Variants in CFDP1 observed in about 807,000 individuals in gnomAD.
The protein encoded by CFDP1 is chromatin remodeling protein CFDP1.
Under a neutral mutation model 40.1 loss-of-function variants are expected in CFDP1, and 31 were observed. The ratio of observed to expected loss-of-function variants is 0.77; its 90% CI spans 0.58 to 1.04. The LOEUF (loss-of-function observed/expected upper bound fraction) is 1.04. Ranked by LOEUF, CFDP1 falls within the 50% of genes least tolerant of loss-of-function variation. CFDP1 has a pLI of 0.00. For missense variants in CFDP1, 423 were observed against 343.4 expected, an observed-to-expected ratio of 1.23 and a Z score of -1.83; for synonymous variants, 167 against 120.0, an observed-to-expected ratio of 1.39 and a Z score of -2.56.
chr16:75,355,725 A>G (rs2151528800), intron 5 of CFDP1, among the ~76,000 whole-genome samples: 1 of 152,146 alleles, frequency 6.6e-6, no homozygotes, highest in South Asian at 2.1e-4. Flanking sequence ...GTCTCCTGAG[A>G]TCTGATGGTT....
At position 75,433,204 on chromosome 16, in the gene CFDP1, GGCAGACGCCCGCGGGGGCAGAGC is replaced by G; in HGVS notation, c.64+62_64+84del. ...CCCCCCTGGACCACCTGGGCCACAG[GGCAGACGCCCGCGGGGGCAGAGC>G]GCGCCTCACGTGAGGCGTGGGGCGG... On this transcript the variant is annotated intron_variant, in intron 1 of 6. Transcript: ENST00000283882. The G allele has an allele frequency of 2.2e-6, 3 of 1,358,322 alleles. No homozygotes were observed. The South Asian group carries it at 3.7e-5, about 17-fold the overall frequency. 84.1% of individuals were successfully genotyped at this position (1,358,322 alleles called of 1,614,324 possible).
At chr16:75,332,350 A>G (rs770084564) in intron 5 of CFDP1, among the ~76,000 whole-genome samples, 9 of 152,118 alleles carry the variant, frequency 5.9e-5, no homozygotes, top group Non-Finnish European at 1.0e-4. Flanking sequence ...CTATAATCCC[A>G]GCTACTCAGG....
chr16:75,404,287 G>A (rs1383515785), intron 4 of CFDP1, among the ~76,000 whole-genome samples: 4 of 148,580 alleles, frequency 2.7e-5, no homozygotes, highest in Admixed American at 6.7e-5. Context: ...CCAGGCTGGA[G>A]TGCAGTGGCA....
intron 4 of CFDP1, among the ~76,000 whole-genome samples, chr16:75,398,273 A>T (rs1015999964): frequency 6.6e-6 from 1 of 152,236 alleles, no homozygotes; most frequent in Non-Finnish European, 1.5e-5. Context: ...TACTTATTCA[A>T]GGCTATCCTG....
chr16:75,424,126 T>C (rs1306303009), intron 1 of CFDP1, among the ~76,000 whole-genome samples: 1 of 152,150 alleles, frequency 6.6e-6, no homozygotes, highest in Non-Finnish European at 1.5e-5. Flanking sequence ...AATTCACCTC[T>C]CTGAAAATTA....
chr16:75,427,527 A>C (rs1464783383), intron 1 of CFDP1, among the ~76,000 whole-genome samples: 1 of 152,212 alleles, frequency 6.6e-6, no homozygotes, highest in African/African-American at 2.4e-5. Flanking sequence ...GTGGGAATAC[A>C]GGCATGAGCC....
At chr16:75,424,871 G>A (rs1368646828) in intron 1 of CFDP1, among the ~76,000 whole-genome samples, 2 of 151,994 alleles carry the variant, frequency 1.3e-5, no homozygotes, top group Admixed American at 1.3e-4. Context: ...AATATAAAAG[G>A]TAAACATATT....
At chr16:75,367,375 G>T (rs1423849166) in intron 5 of CFDP1, among the ~76,000 whole-genome samples, 4 of 150,256 alleles carry the variant, frequency 2.7e-5, no homozygotes, top group African/African-American at 9.8e-5. Flanking sequence ...AAACCACTAT[G>T]GCACACATGT....
intron 5 of CFDP1, among the ~76,000 whole-genome samples, chr16:75,319,971 A>G (rs2078350468): frequency 6.6e-6 from 1 of 152,234 alleles, no homozygotes. Flanking sequence ...GTTTTCATAG[A>G]GGCTAACCAC....
At chr16:75,337,478 CCT>C (rs1372030662) in intron 5 of CFDP1, among the ~76,000 whole-genome samples, 3 of 152,218 alleles carry the variant, frequency 2.0e-5, no homozygotes, top group Admixed American at 6.5e-5. Flanking sequence ...CACTCAATCC[CCT>C]GTCACTGACT....
At chr16:75,311,007 A>G (rs2078290084) in intron 5 of CFDP1, among the ~76,000 whole-genome samples, 1 of 152,200 alleles carries the variant, frequency 6.6e-6, no homozygotes, top group Non-Finnish European at 1.5e-5. Flanking sequence ...ACAAAGCTTA[A>G]TTTTCGGCTT....
intron 5 of CFDP1, among the ~76,000 whole-genome samples, chr16:75,370,784 C>A (rs1044519791): frequency 2.6e-5 from 4 of 152,114 alleles, no homozygotes. Context: ...ATCGCTTGAA[C>A]CCAGCAGGCA....
chr16:75,329,954 C>T (rs924899756), intron 5 of CFDP1, among the ~76,000 whole-genome samples: 4 of 152,152 alleles, frequency 2.6e-5, no homozygotes, highest in African/African-American at 9.7e-5. Context: ...TCCTCCTCCT[C>T]CCTCAAACAC....
At chr16:75,396,358 T>C (rs1409143871) in intron 4 of CFDP1, among the ~76,000 whole-genome samples, 1 of 102,904 alleles carries the variant, frequency 9.7e-6, no homozygotes, top group African/African-American at 2.9e-5. Context: ...GCCAACATGG[T>C]GAAACCCTGT....
chr16:75,332,476 GTAAAA>G (rs552824429), intron 5 of CFDP1, among the ~76,000 whole-genome samples: 8 of 151,186 alleles, frequency 5.3e-5, no homozygotes, highest in African/African-American at 7.3e-5. Context: ...AAAATAAAAA[GTAAAA>G]TAAAATAAAA....
At chr16:75,321,401 C>T (rs1008077212) in intron 5 of CFDP1, among the ~76,000 whole-genome samples, 2 of 152,178 alleles carry the variant, frequency 1.3e-5, no homozygotes, top group East Asian at 3.8e-4. Context: ...GCCACTCCTG[C>T]CAAAAAGCCC....
chr16:75,348,969 C>T (rs1044928166), intron 5 of CFDP1, among the ~76,000 whole-genome samples: 1 of 152,084 alleles, frequency 6.6e-6, no homozygotes, highest in Non-Finnish European at 1.5e-5. Context: ...TGGGCTGGAG[C>T]GATCCTCCTG....
chr16:75,414,232 T>C (rs186132684), intron 2 of CFDP1, among the ~76,000 whole-genome samples: 1 of 152,166 alleles, frequency 6.6e-6, no homozygotes, highest in Admixed American at 6.5e-5. Flanking sequence ...GAAGAAAATA[T>C]AGACATATAT....
chr16:75,407,086 T>C (rs970018558), intron 4 of CFDP1, among the ~76,000 whole-genome samples: 3 of 152,110 alleles, frequency 2.0e-5, no homozygotes, highest in South Asian at 2.1e-4. Context: ...GATGTTCACT[T>C]GGGAGGCTGT....
Sources: gnomAD v4.1 joint callset for allele counts (sites outside exome capture counted in the v4.1 genomes callset) on GRCh38, gnomAD v4.1.1 for gene constraint, MANE v1.5 for transcripts, NCBI Gene and HGNC (gene_info 2026-07-23, HGNC 2026-07-21) for gene names.